The following ZNF562 variants were observed in gnomAD, a reference collection of about 807,000 sequenced individuals.
ZNF562 encodes zinc finger protein 562.
Under a neutral mutation model 17.5 loss-of-function variants are expected in ZNF562, and 13 were observed. That is an observed-to-expected ratio of 0.74 (90% CI 0.48 to 1.18). ZNF562 has a LOEUF of 1.18. Ranked by LOEUF, ZNF562 falls within the 50% of genes most tolerant of loss-of-function variation. The pLI is 0.00. For missense variants in ZNF562, 481 were observed against 498.5 expected (o/e 0.96, Z 0.33); for synonymous variants, 163 against 165.4 (o/e 0.99, Z 0.11).
chr19:9,653,621 G>A lies in ZNF562; in HGVS notation c.609C>T (p.Pro203=). The A allele has an allele frequency of 1.2e-6, 2 of 1,614,058 alleles. No homozygotes were observed. Among genetic ancestry groups the A allele is most frequent in the Non-Finnish European group, 1.7e-6 (2 of 1,179,970 alleles). ...VHLEILNGRQ[P]YKCKECGKGF... is the part of the protein sequence containing the mutation. ...CTTTTCCACATTCCTTACATTTGTAGGGTTGTCTTCCATTGAGAATTTCAA... is the reference window on the plus strand; with the variant it reads ...CTTTTCCACATTCCTTACATTTGTAAGGTTGTCTTCCATTGAGAATTTCAA... Residue 203 remains proline (P), a synonymous_variant, in exon 6 of 6, where the codon CCC becomes CCT. Transcript: ENST00000453372.
intron 1 of ZNF562, among the ~76,000 whole-genome samples, chr19:9,670,178 G>A (rs561028842): frequency 5.9e-5 from 9 of 152,154 alleles, no homozygotes; most frequent in African/African-American, 1.9e-4. Context: ...AGTCAAGGCT[G>A]CAGTGAGCCA....
chr19:9,656,542 C>A lies in ZNF562; in HGVS notation c.348+5G>T, dbSNP rs753432933. 1.7e-5 allele frequency: 27 copies of A among 1,612,814 alleles called. No individual in the cohort carries two copies. The highest frequency in any genetic ancestry group is 3.6e-4 in the Middle Eastern group (2 of 5,580). ...AAAAAAATAAGTATCCCTCATGAAT[C>A]TTACCATTTGTATCCCAGTGAATAT... On this transcript the variant is annotated splice_donor_5th_base_variant and intron_variant, in intron 5 of 5. Coordinates refer to ENST00000453372, the MANE Select transcript of ZNF562 (RefSeq NM_001130031.2).
rs567313027 is a variant in ZNF562 at position 9,675,027 on chromosome 19, G to A, written c.-143C>T. 6.6e-6 allele frequency: 1 copy of A among 152,476 alleles called. No individual in the cohort carries two copies. The highest frequency in any genetic ancestry group is 2.1e-4 in the South Asian group (1 of 4,832). 9.4% of individuals were successfully genotyped at this position (152,476 alleles called of 1,614,324 possible). A position where few individuals can be genotyped will look rare whatever the true frequency, so the allele number is the denominator to read the frequency against. On this transcript the variant is annotated 5_prime_UTR_variant, in exon 1 of 6. Transcript: ENST00000453372. ...AGGTAGAACTCACCACAGCGGGGTG[G>A]ACTCCACCACAATAAAGGTTAAACG... is the stretch of plus-strand genomic sequence containing the variant.
In ZNF562 at chr19:9,656,667, G is replaced by C. The variant is rs1382173590; in HGVS notation, c.242-14C>G. On this transcript the variant is annotated splice_polypyrimidine_tract_variant and intron_variant, in intron 4 of 5. Transcript: ENST00000453372. ...AGAAAAAGAAATCTAAGGGTTTAGAGAAGAAATGTGTTAGTTTAAAATTAG... is the reference window on the plus strand; with the variant it reads ...AGAAAAAGAAATCTAAGGGTTTAGACAAGAAATGTGTTAGTTTAAAATTAG... 1 of 1,607,858 alleles carries C rather than the reference G, an allele frequency of 6.2e-7. No homozygotes were observed. The highest frequency in any genetic ancestry group is 1.1e-5 in the South Asian group (1 of 90,814).
intron 1 of ZNF562, among the ~76,000 whole-genome samples, chr19:9,666,097 G>C (rs889962321): frequency 6.6e-6 from 1 of 152,002 alleles, no homozygotes; most frequent in Non-Finnish European, 1.5e-5. Flanking sequence ...GGCCGAGGTG[G>C]GTGGATCTTC....
chr19:9,659,373 G>C lies in ZNF562; in HGVS notation c.114+6C>G, dbSNP rs773744077. On this transcript the variant is annotated splice_donor_region_variant and intron_variant, in intron 3 of 5. Coordinates refer to ENST00000453372, the MANE Select transcript of ZNF562 (RefSeq NM_001130031.2). ...CATTTTGTACAACGGTACATTTTCT[G>C]TTTACCTGGTAAGAATTTGACCGGT... 1.5e-5 allele frequency: 23 copies of C among 1,549,690 alleles called. No homozygotes were observed. In the South Asian group the frequency reaches 2.7e-4, roughly 18 times the overall value.
At chr19:9,657,039 C>CAA (rs1301187261) in intron 4 of ZNF562, among the ~76,000 whole-genome samples, 7 of 113,668 alleles carry the variant, frequency 6.2e-5, no homozygotes, top group African/African-American at 9.8e-5. Context: ...GACTCCATCT[C>CAA]AAAAAAAAAA....
chr19:9,655,807 C>T (rs1263658798), intron 5 of ZNF562, among the ~76,000 whole-genome samples: 1 of 130,964 alleles, frequency 7.6e-6, no homozygotes, highest in East Asian at 2.6e-4. Flanking sequence ...AGTGCTGGCT[C>T]ACTCAGCAAC....
intron 1 of ZNF562, among the ~76,000 whole-genome samples, chr19:9,666,405 G>T (rs888124136): frequency 6.7e-6 from 1 of 149,482 alleles, no homozygotes; most frequent in African/African-American, 2.5e-5. Flanking sequence ...TGGGATAAAA[G>T]CAGTACTAAG....
intron 1 of ZNF562, among the ~76,000 whole-genome samples, chr19:9,668,005 C>A (rs758314179): frequency 6.6e-6 from 1 of 152,132 alleles, no homozygotes; most frequent in Admixed American, 6.6e-5. Flanking sequence ...AAATCAGTTG[C>A]ATTTATATAC....
rs1478008860 is a variant in ZNF562, at chr19:9,645,763, G to A, written c.*7186C>T. 1 of 152,216 alleles carries A rather than the reference G, an allele frequency of 6.6e-6. No homozygotes were observed. The highest frequency in any genetic ancestry group is 2.4e-5 in the African/African-American group (1 of 41,450). The allele number at this position is 152,216 out of a possible 1,614,324, so 9.4% of individuals were successfully genotyped here. A position where few individuals can be genotyped will look rare whatever the true frequency, so the allele number is the denominator to read the frequency against. ...CTGGGTCTCTCTCCAAGTGTAGTAA[G>A]TGTATATGGGAATCACTTTATTCAA... On this transcript the variant is annotated 3_prime_UTR_variant, in exon 6 of 6. Coordinates refer to ENST00000453372, the MANE Select transcript of ZNF562 (RefSeq NM_001130031.2).
Position 9,653,689 on chromosome 19 carries a change from A to T in ZNF562, c.541T>A (p.Cys181Ser). 6.2e-7 allele frequency: 1 copy of T among 1,614,114 alleles called. No homozygotes were observed. Among genetic ancestry groups the T allele is most frequent in the African/African-American group, 1.3e-5 (1 of 75,068 alleles). ...GGAGTTAAGGTGAAGACTTTTCCAC[A>T]TGGATTAAATTTGGAAAGTTCTTGT... Reference protein sequence around the residue: ...IGQELSKFNPCGKVFTLTPGL... With the variant: ...IGQELSKFNPSGKVFTLTPGL... Residue 181 changes from cysteine to serine, a missense_variant, in exon 6 of 6, where the codon TGT (cysteine) becomes AGT (serine). Physicochemically the swap from Cys to Ser is moderately radical, Grantham distance 112. Transcript: ENST00000453372.
chr19:9,655,717 C>CTTTCTTTTTTTTTTTT (rs2043447309), intron 5 of ZNF562, among the ~76,000 whole-genome samples: 8 of 48,670 alleles, frequency 1.6e-4, no homozygotes, highest in African/African-American at 5.7e-4. Flanking sequence ...TCTTTTCTTT[C>CTTTCTTTTTTTTTTTT]TTTTTTTTTT....
In ZNF562 at chr19:9,653,210, T is replaced by C; in HGVS notation, c.1020A>G (p.Gly340=). The change falls in exon 6 of 6, where the codon GGA becomes GGG. Residue 340 remains glycine, a synonymous_variant. Coordinates refer to ENST00000453372, the MANE Select transcript of ZNF562 (RefSeq NM_001130031.2). The part of the protein sequence containing the change: ...HLTQHVRTHT[G]IKPYECKECG... ...ATTCCTTACATTCATAGGGTTTTAT[T>C]CCAGTGTGAGTTCTTACATGTTGAG... 6.2e-7 allele frequency: 1 copy of C among 1,614,204 alleles called. No individual in the cohort carries two copies.
In ZNF562 at chr19:9,645,446, G is replaced by T. The variant is rs1356119554; in HGVS notation, c.*7503C>A. On this transcript the variant is annotated 3_prime_UTR_variant, in exon 6 of 6. Coordinates refer to ENST00000453372, the MANE Select transcript of ZNF562 (RefSeq NM_001130031.2). ...TTGGCTTGTGGGCAAAGGGGTATGT[G>T]TATCAGTTGGCCTTTACTGTGTAAT... 1.3e-5 allele frequency: 2 copies of T among 152,194 alleles called. No homozygotes were observed. Among genetic ancestry groups the T allele is most frequent in the African/African-American group, 4.8e-5 (2 of 41,448 alleles). The allele number at this position is 152,194 out of a possible 1,614,324, so 9.4% of individuals were successfully genotyped here.
At chr19:9,663,665 GTTCTTTTTTTTCTTT>G (rs1180723880) in intron 1 of ZNF562, among the ~76,000 whole-genome samples, 1 of 151,650 alleles carries the variant, frequency 6.6e-6, no homozygotes, top group Admixed American at 6.6e-5. Context: ...TGTAGCTATT[GTTCTTTTTTTTCTTT>G]TTCTTTTTTT....
intron 1 of ZNF562, among the ~76,000 whole-genome samples, chr19:9,670,855 G>A (rs900190279): frequency 5.9e-5 from 9 of 152,086 alleles, no homozygotes; most frequent in South Asian, 4.2e-4. Flanking sequence ...AAAATTAGCC[G>A]GGTGTGGTGG....
At position 9,659,231 on chromosome 19, in the gene ZNF562, C is replaced by T. The variant is rs1160881394; in HGVS notation, c.114+148G>A. On this transcript the variant is annotated intron_variant, in intron 3 of 5. Coordinates refer to ENST00000453372, the MANE Select transcript of ZNF562 (RefSeq NM_001130031.2). The stretch of plus-strand genomic sequence containing the variant: ...ACTTTATGTATAGGAGACTTCATTC[C>T]CTGGGGAAATTCACCTGGGGATTCA... 4.3e-6 allele frequency: 3 copies of T among 697,256 alleles called. No individual in the cohort carries two copies. In the East Asian group the frequency reaches 8.4e-5, roughly 19 times the overall value. The allele number at this position is 697,256 out of a possible 1,614,324, so 43.2% of individuals were successfully genotyped here.
rs113727008 is a variant in ZNF562, at chr19:9,660,805, C to T, written c.-61G>A. 9 of 1,589,468 alleles carry T rather than the reference C, an allele frequency of 5.7e-6. No individual in the cohort carries two copies. In the African/African-American group the frequency reaches 1.2e-4, roughly 21 times the overall value. ...GTCTTTCTTGATGCCAAGATCGCCT[C>T]AGGGCAGCTTATGAATCTAGGTGGA... is the stretch of plus-strand genomic sequence containing the variant. On this transcript the variant is annotated 5_prime_UTR_variant, in exon 2 of 6. Transcript: ENST00000453372.
Sources: gnomAD v4.1 joint callset for allele counts (sites outside exome capture counted in the v4.1 genomes callset) on GRCh38, gnomAD v4.1.1 for gene constraint, MANE v1.5 for transcripts, NCBI Gene and HGNC (gene_info 2026-07-23, HGNC 2026-07-21) for gene names.